The following NOD2 variants were observed in gnomAD, a reference collection of about 807,000 sequenced individuals.
NOD2 encodes nucleotide binding oligomerization domain containing 2.
A neutral mutation model predicts 90.9 loss-of-function variants in NOD2; 86 were observed. That is an observed-to-expected ratio of 0.95 (90% CI 0.79 to 1.13). The LOEUF is 1.13. NOD2 is among the 50% of genes most tolerant of loss of function. NOD2 has a pLI of 0.00. For synonymous variants in NOD2, 581 were observed against 554.6 expected, an observed-to-expected ratio of 1.05 and a Z score of -0.67; for missense variants, 1,238 against 1,283.8, an observed-to-expected ratio of 0.96 and a Z score of 0.55.
rs1567403486 is a variant in NOD2 at position 50,722,606 on chromosome 16, C to T, written c.2634-16C>T. ...TACTCACTGACACTGTCTGTTGACT[C>T]TTTTGGCCTTTTCAGATTCTGGGGC... is the stretch of plus-strand genomic sequence containing the variant. On this transcript the variant is annotated splice_polypyrimidine_tract_variant and intron_variant, in intron 7 of 11. Coordinates refer to ENST00000647318, the MANE Select transcript of NOD2 (RefSeq NM_001370466.1). 1.2e-6 allele frequency: 2 copies of T among 1,613,570 alleles called. No individual in the cohort carries two copies. Among genetic ancestry groups the T allele is most frequent in the Admixed American group, 3.3e-5 (2 of 60,028 alleles).
In NOD2 at chr16:50,694,942, T is replaced by G. The variant is rs75668898; in HGVS notation, c.-9+1280T>G. ...TGGGGTGCTGGGGCTGGGTATTGCA[T>G]TGTATATAGCACAACCAGGGAAGGC... On this transcript the variant is annotated intron_variant, in intron 1 of 11. Transcript: ENST00000647318. 8.5e-5 allele frequency among the ~76,000 whole-genome samples: 13 copies of G among 152,066 alleles called. No individual in the cohort carries two copies. In the East Asian group the frequency reaches 2.5e-3, roughly 29 times the overall value.
chr16:50,731,234 A>G (rs1006782957), intron 11 of NOD2, among the ~76,000 whole-genome samples: 5 of 152,186 alleles, frequency 3.3e-5, no homozygotes, highest in Non-Finnish European at 7.3e-5. Flanking sequence ...CTTCTGTATG[A>G]TTGTGATAGC....
In NOD2 at chr16:50,730,960, A is replaced by T. The variant is rs147631943; in HGVS notation, c.2970-787A>T. On this transcript the variant is annotated intron_variant, in intron 11 of 11. Transcript: ENST00000647318. ...ACACCTGTAATCCTAGCACTTTGGG[A>T]GGCTGAGGCAGGAGGATCACTTTAG... Among the ~76,000 whole-genome samples, 328 of 152,318 alleles carry T rather than the reference A, an allele frequency of 2.2e-3. 3 individuals carry two copies. The highest frequency in any genetic ancestry group is 7.6e-3 in the African/African-American group (314 of 41,582).
At chr16:50,708,844 C>A (rs1964324016) in intron 3 of NOD2, among the ~76,000 whole-genome samples, 1 of 152,182 alleles carries the variant, frequency 6.6e-6, no homozygotes, top group South Asian at 2.1e-4. Context: ...CGCGAGTGCA[C>A]CGTCTCATTG....
intron 1 of NOD2, chr16:50,697,591 C>T: frequency 2.0e-6 from 1 of 501,820 alleles, no homozygotes; most frequent in Non-Finnish European, 3.6e-6. Context: ...GTCCTCTCTT[C>T]CCCTGTCCTC....
chr16:50,707,936 G>A lies in NOD2; in HGVS notation c.541G>A (p.Val181Ile). 1 of 1,613,548 alleles carries A rather than the reference G, an allele frequency of 6.2e-7. No homozygotes were observed. Among genetic ancestry groups the A allele is most frequent in the South Asian group, 1.1e-5 (1 of 91,076 alleles). Residue 181 changes from valine (V) to isoleucine (I), a missense_variant, in exon 3 of 12, where the codon GTC becomes ATC. Coordinates refer to ENST00000647318, the MANE Select transcript of NOD2 (RefSeq NM_001370466.1). ...FLLQHVQELPVPLALPLEAAT... is the reference protein window; with the variant it reads ...FLLQHVQELPIPLALPLEAAT... ...TCTACAACATGTTCAGGAATTACCA[G>A]TCCCATTGGCCCTGCCTTTGGAAGG...
intron 3 of NOD2, chr16:50,710,128 A>G (rs748126283): frequency 5.4e-5 from 23 of 423,246 alleles, no homozygotes; most frequent in Non-Finnish European, 1.1e-4. Flanking sequence ...CCACCCGGCC[A>G]CTATGGCAGG....
intron 2 of NOD2, among the ~76,000 whole-genome samples, chr16:50,703,401 A>T (rs1026714667): frequency 1.3e-5 from 2 of 152,160 alleles, no homozygotes; most frequent in Non-Finnish European, 2.9e-5. Flanking sequence ...GTACTTTGGG[A>T]GGCTGAGGCA....
At chr16:50,722,748 G>A (rs1210935631) in intron 8 of NOD2, 43 bp downstream of exon 8, 4 of 1,574,326 alleles carry the variant, frequency 2.5e-6, no homozygotes, top group South Asian at 1.1e-5. Context: ...GGGGAGATCA[G>A]GTGAAGAGGG....
In NOD2 at chr16:50,711,639, C is replaced by A. The variant is rs1210346907; in HGVS notation, c.1647C>A (p.Ser549Arg). The A allele has an allele frequency of 6.2e-7, 1 of 1,612,568 alleles. No homozygotes were observed. The highest frequency in any genetic ancestry group is 8.5e-7 in the Non-Finnish European group (1 of 1,179,986). Residue 549 changes from serine to arginine, a missense_variant, in exon 4 of 12, where the codon AGC becomes AGA. By Grantham distance (110) the Ser-to-Arg change is moderately radical. Coordinates refer to ENST00000647318, the MANE Select transcript of NOD2 (RefSeq NM_001370466.1). The part of the protein sequence containing the change: ...SAQQLQAAQV[S>R]PDDISLGFLV... ...AGCAGCTCCAGGCAGCACAGGTCAGCCCTGATGACATTTCTCTTGGCTTCC... is the reference window on the plus strand; with the variant it reads ...AGCAGCTCCAGGCAGCACAGGTCAGACCTGATGACATTTCTCTTGGCTTCC...
intron 6 of NOD2, among the ~76,000 whole-genome samples, chr16:50,718,533 C>T (rs56341238): frequency 2.6e-5 from 4 of 152,126 alleles, no homozygotes; most frequent in African/African-American, 9.7e-5. Context: ...CCATAGAAGG[C>T]GAAGCTGCGG....
intron 7 of NOD2, 38 bp downstream of exon 7, chr16:50,720,046 G>A (rs369454774): frequency 7.0e-6 from 11 of 1,580,658 alleles, no homozygotes; most frequent in African/African-American, 2.7e-5. Context: ...TGCATGGAGG[G>A]GCTTGGGACT....
At position 50,729,851 on chromosome 16, in the gene NOD2, A is replaced by C; in HGVS notation, c.2919A>C (p.Ala973=). ...LSNNCITYLG[A]EALLQALERN... The stretch of plus-strand genomic sequence containing the variant: ...ATAACTGCATCACCTACCTAGGGGC[A>C]GAAGCCCTCCTGCAGGCCCTTGAAA... The change falls in exon 11 of 12, where the codon GCA becomes GCC. Residue 973 remains alanine, a synonymous_variant. Coordinates refer to ENST00000647318, the MANE Select transcript of NOD2 (RefSeq NM_001370466.1). 1 of 1,613,228 alleles carries C rather than the reference A, an allele frequency of 6.2e-7. No homozygotes were observed.
chr16:50,721,377 TG>T (rs796799013), intron 7 of NOD2, among the ~76,000 whole-genome samples: 5,863 of 148,364 alleles, frequency 0.04, 376 homozygotes, highest in African/African-American at 0.14. Flanking sequence ...TTTTTTTTTT[TG>T]TTTGTTTGTT....
intron 2 of NOD2, among the ~76,000 whole-genome samples, chr16:50,705,158 T>C (rs1964127521): frequency 6.6e-6 from 1 of 152,158 alleles, no homozygotes; most frequent in Non-Finnish European, 1.5e-5. Context: ...AACTCTTGAG[T>C]TTTTCATTTT....
chr16:50,699,830 C>G lies in NOD2; in HGVS notation c.335C>G (p.Pro112Arg). The G allele has an allele frequency of 6.2e-7, 1 of 1,613,584 alleles. No homozygotes were observed. The highest frequency in any genetic ancestry group is 1.1e-5 in the South Asian group (1 of 91,078). ...HPARDLQSHR[P>R]AIVRRLHSHV... ...GCCCGAGACCTGCAGAGTCACCGGC[C>G]AGCCATTGTCAGGAGGCTCCACAGC... The change falls in exon 2 of 12, where the codon CCA becomes CGA. Residue 112 changes from proline (P) to arginine (R), a missense_variant. By Grantham distance (103) the Pro-to-Arg change is moderately radical (BLOSUM62 -2). Transcript: ENST00000647318.
intron 3 of NOD2, among the ~76,000 whole-genome samples, chr16:50,708,745 C>T (rs1031755049): frequency 6.6e-6 from 1 of 152,068 alleles, no homozygotes; most frequent in African/African-American, 2.4e-5. Context: ...GTGTGTGGTG[C>T]TGGCAGATGG....
chr16:50,707,892 A>G lies in NOD2; in HGVS notation c.497A>G (p.Asn166Ser), dbSNP rs1964272038. ...RLLDLATVKA[N>S]GLAAFLLQHV... ...CTTGATCTTGCCACGGTGAAAGCGA[A>G]TGGATTGGCTGCCTTCCTTCTACAA... The change falls in exon 3 of 12, where the codon AAT becomes AGT. Residue 166 changes from asparagine to serine, a missense_variant. Asn to Ser is a conservative substitution (Grantham distance 46, BLOSUM62 1). Around this residue, in one of 3 missense-constraint regions of NOD2, gnomAD observed 567 missense variants for 577.3 expected, o/e 0.98. Coordinates refer to ENST00000647318, the MANE Select transcript of NOD2 (RefSeq NM_001370466.1). The G allele has an allele frequency of 6.2e-7, 1 of 1,614,178 alleles. No individual in the cohort carries two copies. Among genetic ancestry groups the G allele is most frequent in the Non-Finnish European group, 8.5e-7 (1 of 1,180,000 alleles).
chr16:50,712,637 G>C, intron 4 of NOD2: 2 of 541,092 alleles, frequency 3.7e-6, no homozygotes, highest in Non-Finnish European at 6.7e-6. Flanking sequence ...CACCCTGGCG[G>C]GTAGGCAGGA....
Sources: allele counts gnomAD v4.1 joint callset (sites outside exome capture counted in the v4.1 genomes callset), GRCh38; gene constraint gnomAD v4.1.1; regional missense constraint gnomAD v4.1.1; transcripts MANE v1.5; gene names NCBI Gene and HGNC (gene_info 2026-07-23, HGNC 2026-07-21).